The following SAMD12 variants were observed in gnomAD, a reference collection of about 807,000 sequenced individuals.
The protein encoded by SAMD12 is sterile alpha motif domain-containing protein 12.
A neutral mutation model predicts 15.0 loss-of-function variants in SAMD12; 9 were observed. That is an observed-to-expected ratio of 0.60 (90% CI 0.36 to 1.05). The LOEUF (loss-of-function observed/expected upper bound fraction) is 1.05. Among genes scored for constraint, SAMD12 ranks in the 50% least tolerant of loss-of-function variants. The pLI is 0.01. For missense variants in SAMD12, 230 were observed against 234.2 expected (o/e 0.98, Z 0.12); for synonymous variants, 86 against 90.1 (o/e 0.96, Z 0.25).
intron 4 of SAMD12, chr8:118,288,480 C>A (rs576102101): frequency 2.6e-5 from 4 of 152,116 alleles, no homozygotes; most frequent in South Asian, 2.1e-4. Flanking sequence ...AAGTTTGCAA[C>A]CTTTGGAGAC....
At chr8:118,618,787 C>G (rs1403643796) in intron 1 of SAMD12, among the ~76,000 whole-genome samples, 1 of 146,960 alleles carries the variant, frequency 6.8e-6, no homozygotes, top group Non-Finnish European at 1.5e-5. Flanking sequence ...TGCAGTGAGC[C>G]GAGATCGCGC....
chr8:118,492,196 C>T (rs1824461223), intron 2 of SAMD12, among the ~76,000 whole-genome samples: 1 of 147,574 alleles, frequency 6.8e-6, no homozygotes, highest in South Asian at 2.1e-4. Flanking sequence ...TTCTGATTTG[C>T]ATTTTCCTGG....
intron 4 of SAMD12, among the ~76,000 whole-genome samples, chr8:118,371,638 G>T (rs1247419792): frequency 6.6e-6 from 1 of 152,092 alleles, no homozygotes; most frequent in Non-Finnish European, 1.5e-5. Flanking sequence ...AAAAGATAAT[G>T]GGTTAGATTC....
At chr8:118,584,922 TACACACACACACACACAC>T (rs141290440) in intron 1 of SAMD12, among the ~76,000 whole-genome samples, 4 of 146,972 alleles carry the variant, frequency 2.7e-5, no homozygotes, top group Non-Finnish European at 6.0e-5. Context: ...CTTGTAGGTA[TACACACACACACACACAC>T]ACACACACAC....
chr8:118,201,924 C>T (rs1391658652), intron 4 of SAMD12, among the ~76,000 whole-genome samples: 2 of 152,146 alleles, frequency 1.3e-5, no homozygotes, highest in African/African-American at 4.8e-5. Context: ...CATATTTAGC[C>T]CTATGGCTTC....
intron 2 of SAMD12, among the ~76,000 whole-genome samples, chr8:118,571,837 A>T (rs897107971): frequency 2.0e-5 from 3 of 152,208 alleles, no homozygotes; most frequent in Admixed American, 1.3e-4. Flanking sequence ...CTCTGCTAGG[A>T]CAGTGAGGAA....
chr8:118,211,130 C>T (rs1811813440), intron 4 of SAMD12, among the ~76,000 whole-genome samples: 1 of 152,310 alleles, frequency 6.6e-6, no homozygotes, highest in South Asian at 2.1e-4. Flanking sequence ...TTGCTGTTTA[C>T]AGATATGGCT....
intron 3 of SAMD12, among the ~76,000 whole-genome samples, chr8:118,386,543 ATAT>A (rs1325528667): frequency 6.6e-6 from 1 of 152,156 alleles, no homozygotes; most frequent in Non-Finnish European, 1.5e-5. Flanking sequence ...TGTTGGGTGG[ATAT>A]TATTCAGCCT....
chr8:118,397,115 CA>C (rs1158536629), intron 3 of SAMD12, among the ~76,000 whole-genome samples: 1 of 152,128 alleles, frequency 6.6e-6, no homozygotes, highest in African/African-American at 2.4e-5. Context: ...AATAGAAATA[CA>C]AAGTGGGCAT....
At chr8:118,603,724 C>A (rs1408494567) in intron 1 of SAMD12, among the ~76,000 whole-genome samples, 1 of 152,096 alleles carries the variant, frequency 6.6e-6, no homozygotes, top group South Asian at 2.1e-4. Flanking sequence ...GAAAGCAAAT[C>A]CAAAGGCAGC....
rs150191440 is a variant in SAMD12, at chr8:118,308,264, C to T, written c.433+71296G>A. Among the ~76,000 whole-genome samples, 767 of 152,290 alleles carry T rather than the reference C, an allele frequency of 5.0e-3. 5 individuals are homozygous for T. The highest frequency in any genetic ancestry group is 0.018 in the African/African-American group (731 of 41,558). On this transcript the variant is annotated intron_variant, in intron 4 of 4. Transcript: ENST00000409003. ...GCTCTGAAGTCTTCCTCTTTCCACTCTTCTACACCCCCTCATTTCACCTTC... is the reference window on the plus strand; with the variant it reads ...GCTCTGAAGTCTTCCTCTTTCCACTTTTCTACACCCCCTCATTTCACCTTC...
chr8:118,413,635 A>C (rs1244817048), intron 3 of SAMD12, among the ~76,000 whole-genome samples: 1 of 151,984 alleles, frequency 6.6e-6, no homozygotes, highest in Non-Finnish European at 1.5e-5. Flanking sequence ...TTTGGGTTTC[A>C]TTTCTCCCTA....
At chr8:118,555,350 C>T (rs911493094) in intron 2 of SAMD12, among the ~76,000 whole-genome samples, 69 of 152,172 alleles carry the variant, frequency 4.5e-4, no homozygotes, top group African/African-American at 1.6e-3. Flanking sequence ...ACAGTTTTCT[C>T]ATGGTATTTT....
At chr8:118,300,724 G>T (rs1393805998) in intron 4 of SAMD12, among the ~76,000 whole-genome samples, 2 of 152,158 alleles carry the variant, frequency 1.3e-5, no homozygotes, top group Non-Finnish European at 2.9e-5. Context: ...TAGAGTTAAA[G>T]AACTACCAGC....
At chr8:118,593,878 A>G (rs548785103) in intron 1 of SAMD12, among the ~76,000 whole-genome samples, 1 of 152,256 alleles carries the variant, frequency 6.6e-6, no homozygotes, top group Non-Finnish European at 1.5e-5. Context: ...CCACTATTCT[A>G]AAAATGTAGT....
intron 2 of SAMD12, among the ~76,000 whole-genome samples, chr8:118,461,827 T>C (rs58595973): frequency 0.025 from 3,841 of 152,312 alleles, 101 homozygotes; most frequent in African/African-American, 0.071. Flanking sequence ...CGGGGAAACA[T>C]GCTCTCTGTT....
At chr8:118,527,930 C>G (rs1825574854) in intron 2 of SAMD12, among the ~76,000 whole-genome samples, 2 of 152,168 alleles carry the variant, frequency 1.3e-5, no homozygotes, top group African/African-American at 4.8e-5. Flanking sequence ...ATAAAGCCTA[C>G]TTAGTTATTG....
At chr8:118,526,452 T>C (rs1225645574) in intron 2 of SAMD12, among the ~76,000 whole-genome samples, 2 of 152,128 alleles carry the variant, frequency 1.3e-5, no homozygotes, top group Non-Finnish European at 1.5e-5. Flanking sequence ...TTGGTAGCTC[T>C]GGGATGAAGC....
At chr8:118,142,212 A>C in the SAMD12 span, among the ~76,000 whole-genome samples, 1 of 152,196 alleles carries the variant, frequency 6.6e-6, no homozygotes, top group African/African-American at 2.4e-5. Flanking sequence ...AAATGTTAGA[A>C]GCAGACTCTC....
Sources: gnomAD v4.1 joint callset for allele counts (sites outside exome capture counted in the v4.1 genomes callset) on GRCh38, gnomAD v4.1.1 for gene constraint, MANE v1.5 for transcripts, NCBI Gene and HGNC (gene_info 2026-07-23, HGNC 2026-07-21) for gene names.